Variants in NCAM2 observed in about 807,000 individuals in gnomAD.
The protein encoded by NCAM2 is N-CAM-2.
Under a neutral mutation model 98.1 loss-of-function variants are expected in NCAM2, and 30 were observed. The observed-to-expected ratio is 0.31, with a 90% confidence interval of 0.23 to 0.41. The LOEUF (loss-of-function observed/expected upper bound fraction) is 0.41. Among genes scored for constraint, NCAM2 ranks in the 10% least tolerant of loss-of-function variants. The pLI, the probability that NCAM2 is intolerant of heterozygous loss-of-function variation, is 1.00. For synonymous variants in NCAM2, 368 were observed against 342.4 expected (o/e 1.07, Z -0.83); for missense variants, 867 against 1,005.8 (o/e 0.86, Z 1.87).
intron 16 of NCAM2, among the ~76,000 whole-genome samples, chr21:21,522,835 C>T (rs569983421): frequency 6.6e-6 from 1 of 151,786 alleles, no homozygotes; most frequent in Admixed American, 6.6e-5. Flanking sequence ...TTTCGCCATG[C>T]TGGCCAGGCG....
chr21:21,324,242 G>T, intron 5 of NCAM2, 141 bp from the exon 6 acceptor site: 1 of 583,154 alleles, frequency 1.7e-6, no homozygotes, highest in Non-Finnish European at 3.0e-6. Context: ...TTATTTTACT[G>T]TGAAACCAAA....
At chr21:21,216,903 A>G (rs973920062) in intron 1 of NCAM2, among the ~76,000 whole-genome samples, 9 of 152,150 alleles carry the variant, frequency 5.9e-5, no homozygotes, top group Non-Finnish European at 1.2e-4. Flanking sequence ...TCTTTAGCAA[A>G]TGTCTCCTGG....
chr21:21,051,999 A>G (rs2146297416), intron 1 of NCAM2, among the ~76,000 whole-genome samples: 1 of 152,266 alleles, frequency 6.6e-6, no homozygotes. Flanking sequence ...GTCAGAGTAT[A>G]TATGCAGGAT....
At chr21:21,093,638 G>A (rs1018986161) in intron 1 of NCAM2, among the ~76,000 whole-genome samples, 1 of 152,012 alleles carries the variant, frequency 6.6e-6, no homozygotes, top group East Asian at 1.9e-4. Flanking sequence ...AGAATTGCAG[G>A]TGTGATTATA....
chr21:21,135,922 T>C (rs1289468584), intron 1 of NCAM2, among the ~76,000 whole-genome samples: 1 of 146,052 alleles, frequency 6.8e-6, no homozygotes, highest in Non-Finnish European at 1.5e-5. Context: ...AGATCCTAAG[T>C]CAGTGTCCCA....
chr21:21,214,761 C>CATATATATATATAT (rs2069819787), intron 1 of NCAM2, among the ~76,000 whole-genome samples: 3 of 76,468 alleles, frequency 3.9e-5, no homozygotes, highest in Non-Finnish European at 8.9e-5. Flanking sequence ...TATATATACA[C>CATATATATATATAT]ATATATGTAA....
At chr21:21,331,748 GGTTA>G (rs544685932) in intron 6 of NCAM2, among the ~76,000 whole-genome samples, 3 of 144,412 alleles carry the variant, frequency 2.1e-5, no homozygotes, top group African/African-American at 7.7e-5. Flanking sequence ...GCCACCACAT[GGTTA>G]GTTTTTGTAT....
intron 8 of NCAM2, among the ~76,000 whole-genome samples, chr21:21,348,958 T>C (rs545935528): frequency 2.6e-5 from 4 of 152,110 alleles, no homozygotes; most frequent in South Asian, 2.1e-4. Flanking sequence ...AAGACTTAAA[T>C]CTAAGACCTC....
At chr21:21,339,396 A>G (rs983039761) in intron 8 of NCAM2, among the ~76,000 whole-genome samples, 3 of 152,050 alleles carry the variant, frequency 2.0e-5, no homozygotes, top group African/African-American at 7.2e-5. Context: ...CACTATACTA[A>G]TGGATTTTAA....
chr21:21,190,326 C>T (rs1337325842), intron 1 of NCAM2, among the ~76,000 whole-genome samples: 2 of 152,168 alleles, frequency 1.3e-5, no homozygotes, highest in Non-Finnish European at 2.9e-5. Context: ...TTCCAAGAAT[C>T]GAGAGCTATC....
intron 1 of NCAM2, among the ~76,000 whole-genome samples, chr21:21,065,911 T>C (rs1360951435): frequency 6.6e-6 from 1 of 152,162 alleles, no homozygotes; most frequent in East Asian, 1.9e-4. Flanking sequence ...AGATTAATGG[T>C]CCTACTAAAA....
At chr21:21,035,539 C>T (rs2064778230) in intron 1 of NCAM2, among the ~76,000 whole-genome samples, 1 of 151,960 alleles carries the variant, frequency 6.6e-6, no homozygotes, top group Admixed American at 6.6e-5. Context: ...CATTTCAGTC[C>T]TTCATTAGTT....
chr21:21,139,077 G>T (rs2067116795), intron 1 of NCAM2, among the ~76,000 whole-genome samples: 1 of 152,174 alleles, frequency 6.6e-6, no homozygotes, highest in Non-Finnish European at 1.5e-5. Context: ...TTAACATCTT[G>T]ATATGTAGAG....
At chr21:21,469,228 G>GA (rs1984116112) in intron 14 of NCAM2, among the ~76,000 whole-genome samples, 1 of 151,982 alleles carries the variant, frequency 6.6e-6, no homozygotes, top group African/African-American at 2.4e-5. Flanking sequence ...TGGCCACGGT[G>GA]AACTTGATGA....
chr21:21,085,161 T>C (rs1254190237), intron 1 of NCAM2, among the ~76,000 whole-genome samples: 3 of 152,100 alleles, frequency 2.0e-5, no homozygotes, highest in Non-Finnish European at 4.4e-5. Flanking sequence ...TTGTTGTTAA[T>C]GTTGTTATTG....
At chr21:21,257,522 GA>G (rs1045653470) in intron 1 of NCAM2, among the ~76,000 whole-genome samples, 1 of 152,086 alleles carries the variant, frequency 6.6e-6, no homozygotes, top group African/African-American at 2.4e-5. Flanking sequence ...TAGACAGTAC[GA>G]AAAATAAACA....
intron 10 of NCAM2, among the ~76,000 whole-genome samples, chr21:21,414,952 T>A (rs898275553): frequency 1.4e-5 from 2 of 145,754 alleles, no homozygotes; most frequent in African/African-American, 2.4e-5. Context: ...AGGGAATCTT[T>A]TTTTTTTTTT....
intron 9 of NCAM2, among the ~76,000 whole-genome samples, chr21:21,386,904 G>C (rs1173801137): frequency 6.6e-6 from 1 of 152,128 alleles, no homozygotes; most frequent in Non-Finnish European, 1.5e-5. Flanking sequence ...TTAACAGTCA[G>C]AAATACTAAA....
At chr21:21,315,637 G>A (rs533619261) in intron 5 of NCAM2, among the ~76,000 whole-genome samples, 1 of 152,240 alleles carries the variant, frequency 6.6e-6, no homozygotes, top group East Asian at 1.9e-4. Context: ...TCCTGAGTCT[G>A]AACTGGAAGG....
Sources: allele counts gnomAD v4.1 joint callset (sites outside exome capture counted in the v4.1 genomes callset), GRCh38; gene constraint gnomAD v4.1.1; transcripts MANE v1.5; gene names NCBI Gene and HGNC (gene_info 2026-07-23, HGNC 2026-07-21).